Variants in TLL1 observed in about 807,000 individuals in gnomAD.
TLL1 encodes the protein tolloid like 1, also known as tolloid-like protein 1.
In TLL1, 49 loss-of-function variants were observed where a neutral mutation model predicts 128.2. The ratio of observed to expected loss-of-function variants is 0.38; its 90% CI spans 0.30 to 0.48. The LOEUF is 0.48. TLL1 is among the 20% of genes least tolerant of loss of function. The probability of loss-of-function intolerance (pLI) is 0.96; values close to 1 mark genes in which losing one functional copy is unlikely to be tolerated. For missense variants in TLL1, 1,123 were observed against 1,242.0 expected (o/e 0.90, Z 1.44); for synonymous variants, 454 against 418.8 (o/e 1.08, Z -1.03).
chr4:166,028,775 TTAATAAAGC>T (rs1738623621), intron 9 of TLL1, among the ~76,000 whole-genome samples: 1 of 151,996 alleles, frequency 6.6e-6, no homozygotes. Flanking sequence ...TCGTCTATTA[TTAATAAAGC>T]TACACTTATA....
intron 18 of TLL1, among the ~76,000 whole-genome samples, chr4:166,080,282 T>G (rs1741227302): frequency 6.6e-6 from 1 of 152,134 alleles, no homozygotes; most frequent in East Asian, 1.9e-4. Context: ...CCTATAGGAT[T>G]AGGGCTGCAT....
chr4:166,040,198 T>C (rs139477941), intron 10 of TLL1, among the ~76,000 whole-genome samples: 2,507 of 152,294 alleles, frequency 0.016, 71 homozygotes, highest in African/African-American at 0.055. Context: ...CTCAGTTGCA[T>C]TGATGAACTG....
At chr4:165,919,786 T>G in intron 1 of TLL1, 1 of 456,078 alleles carries the variant, frequency 2.2e-6, no homozygotes, top group Non-Finnish European at 4.4e-6. Context: ...TTGCAGGCCT[T>G]GTTTAAAACA....
chr4:165,961,983 A>G (rs973714770), intron 1 of TLL1, among the ~76,000 whole-genome samples: 20 of 152,150 alleles, frequency 1.3e-4, no homozygotes, highest in Admixed American at 1.1e-3. Context: ...AAAATCCTGG[A>G]AGAAAAACTA....
chr4:165,908,601 A>G (rs908985964), intron 1 of TLL1, among the ~76,000 whole-genome samples: 5 of 150,494 alleles, frequency 3.3e-5, no homozygotes, highest in African/African-American at 1.2e-4. Flanking sequence ...AAAAAAAAAA[A>G]GGGAAGCGTG....
chr4:166,065,792 A>T lies in TLL1; in HGVS notation c.2117A>T (p.Asn706Ile). 2 of 1,613,086 alleles carry T rather than the reference A, an allele frequency of 1.2e-6. No individual in the cohort carries two copies. The highest frequency in any genetic ancestry group is 1.7e-6 in the Non-Finnish European group (2 of 1,179,336). ...EVPEVITSQFNNMRIEFKSDN... is the reference protein window; with the variant it reads ...EVPEVITSQFINMRIEFKSDN... ...CCTGAAGTGATCACATCCCAGTTCA[A>T]CAATATGAGAATTGAATTCAAATCT... The change falls in exon 16 of 21, where the codon AAC becomes ATC. Residue 706 changes from asparagine to isoleucine, a missense_variant. Physicochemically the swap from Asn to Ile is moderately radical, Grantham distance 149 (BLOSUM62 -3). Transcript: ENST00000061240.
Position 165,945,215 on chromosome 4 carries a change from A to T in TLL1, c.170-44166A>T, listed in dbSNP as rs115082843. On this transcript the variant is annotated intron_variant, in intron 1 of 20. Transcript: ENST00000061240. The stretch of plus-strand genomic sequence containing the variant: ...GAAACATTACTAATCTTGGCAAGAG[A>T]AGTTTTAGTGATGTGAATGGGACAA... Among the ~76,000 whole-genome samples the T allele has an allele frequency of 1.2e-3, 182 of 152,206 alleles. 1 individual carries two copies. The highest frequency in any genetic ancestry group is 4.2e-3 in the African/African-American group (173 of 41,544).
chr4:166,059,538 A>G (rs981455562), intron 14 of TLL1, among the ~76,000 whole-genome samples: 2 of 152,048 alleles, frequency 1.3e-5, no homozygotes, highest in African/African-American at 4.8e-5. Context: ...CTTGTCTTGG[A>G]AAAAAAGTTT....
At chr4:165,882,761 G>A (rs1218440160) in intron 1 of TLL1, among the ~76,000 whole-genome samples, 1 of 152,036 alleles carries the variant, frequency 6.6e-6, no homozygotes. Flanking sequence ...TGGGATTACA[G>A]GCATGCGCCA....
At chr4:165,948,068 G>A (rs966172022) in intron 1 of TLL1, among the ~76,000 whole-genome samples, 1 of 152,130 alleles carries the variant, frequency 6.6e-6, no homozygotes, top group African/African-American at 2.4e-5. Flanking sequence ...GAGCCTAAAG[G>A]ATAGAGCTGT....
rs145661820 is a variant in TLL1 at position 165,914,203 on chromosome 4, C to A, written c.169+40130C>A. Among the ~76,000 whole-genome samples the A allele has an allele frequency of 3.4e-3, 524 of 152,114 alleles. 3 individuals are homozygous for A. Among genetic ancestry groups the A allele is most frequent in the African/African-American group, 0.011 (459 of 41,508 alleles). ...TCCTGTTTGGCTTTTTCTCTATTAG[C>A]GTGTGAAAAATATTCTTATGGTTTA... is the stretch of plus-strand genomic sequence containing the variant. On this transcript the variant is annotated intron_variant, in intron 1 of 20. Coordinates refer to ENST00000061240, the MANE Select transcript of TLL1 (RefSeq NM_012464.5).
chr4:165,940,393 G>A (rs557070611), intron 1 of TLL1, among the ~76,000 whole-genome samples: 20 of 151,648 alleles, frequency 1.3e-4, no homozygotes, highest in South Asian at 1.2e-3. Context: ...GTGCACATTC[G>A]TATACTAAAG....
intron 1 of TLL1, among the ~76,000 whole-genome samples, chr4:165,980,132 C>T (rs778717702): frequency 6.6e-6 from 1 of 152,066 alleles, no homozygotes; most frequent in Non-Finnish European, 1.5e-5. Context: ...AAGCACTCTT[C>T]CGAGCATGGT....
At chr4:165,999,286 C>T (rs927237991) in intron 5 of TLL1, among the ~76,000 whole-genome samples, 1 of 152,174 alleles carries the variant, frequency 6.6e-6, no homozygotes, top group Non-Finnish European at 1.5e-5. Context: ...AAAGAACTAC[C>T]TGAGACTGGG....
In TLL1 at chr4:166,091,316, A is replaced by G; in HGVS notation, c.2631A>G (p.Lys877=). The change falls in exon 19 of 21, where the codon AAA becomes AAG. Residue 877 remains lysine, a synonymous_variant. Coordinates refer to ENST00000061240, the MANE Select transcript of TLL1 (RefSeq NM_012464.5). ...TTTCTGATGCATCTGTTCAAAGAAA[A>G]GGCTTTCAAGCTACACATTCTACAG... ...RFVSDASVQR[K]GFQATHSTEC... The G allele has an allele frequency of 6.2e-7, 1 of 1,612,806 alleles. No individual in the cohort carries two copies. The highest frequency in any genetic ancestry group is 8.5e-7 in the Non-Finnish European group (1 of 1,179,270).
intron 1 of TLL1, among the ~76,000 whole-genome samples, chr4:165,978,014 A>T (rs978805029): frequency 6.6e-6 from 1 of 152,282 alleles, no homozygotes; most frequent in African/African-American, 2.4e-5. Flanking sequence ...CCAATCAATT[A>T]TTCTCTTTAT....
chr4:166,054,947 T>G, intron 12 of TLL1, 129 bp from the exon 13 acceptor site: 1 of 698,122 alleles, frequency 1.4e-6, no homozygotes, highest in Non-Finnish European at 2.3e-6. Flanking sequence ...AACATTCAAG[T>G]ACACTCATTT....
At chr4:165,952,256 G>A (rs1266304752) in intron 1 of TLL1, among the ~76,000 whole-genome samples, 2 of 152,072 alleles carry the variant, frequency 1.3e-5, no homozygotes, top group Non-Finnish European at 2.9e-5. Flanking sequence ...GTACTTTATA[G>A]TTCCTTGTCC....
At chr4:165,893,001 C>T (rs190867006) in intron 1 of TLL1, among the ~76,000 whole-genome samples, 54 of 152,238 alleles carry the variant, frequency 3.5e-4, no homozygotes, top group African/African-American at 1.3e-3. Flanking sequence ...TTAATGACTG[C>T]ATGTAAGTCA....
Sources: allele counts gnomAD v4.1 joint callset (sites outside exome capture counted in the v4.1 genomes callset), GRCh38; gene constraint gnomAD v4.1.1; transcripts MANE v1.5; gene names NCBI Gene and HGNC (gene_info 2026-07-23, HGNC 2026-07-21).